XRCC4: variants seen among roughly 807,000 people sequenced by gnomAD.
The protein encoded by XRCC4 is X-ray repair cross complementing 4.
In XRCC4, 28 loss-of-function variants were observed where a neutral mutation model predicts 39.1. That is an observed-to-expected ratio of 0.72 (90% CI 0.53 to 0.98). The LOEUF (loss-of-function observed/expected upper bound fraction) is 0.98. Among genes scored for constraint, XRCC4 ranks in the 50% least tolerant of loss-of-function variants. XRCC4 has a pLI of 0.00. For synonymous variants in XRCC4, 123 were observed against 126.4 expected (o/e 0.97, Z 0.18); for missense variants, 350 against 376.4 (o/e 0.93, Z 0.58).
At chr5:83,113,169 G>A (rs1339760473) in intron 3 of XRCC4, among the ~76,000 whole-genome samples, 2 of 152,114 alleles carry the variant, frequency 1.3e-5, no homozygotes, top group African/African-American at 4.8e-5. Context: ...ATTTCAAATG[G>A]GAGAAATTGG....
chr5:83,148,854 A>T (rs1301878228), intron 3 of XRCC4, among the ~76,000 whole-genome samples: 1 of 151,904 alleles, frequency 6.6e-6, no homozygotes, highest in African/African-American at 2.4e-5. Context: ...AGATATAATA[A>T]TAACAATGAA....
chr5:83,266,618 A>G (rs1243847325), intron 7 of XRCC4, among the ~76,000 whole-genome samples: 1 of 152,050 alleles, frequency 6.6e-6, no homozygotes, highest in Non-Finnish European at 1.5e-5. Context: ...CAAAAGCACA[A>G]ACATGCTTTA....
At chr5:83,344,130 TCACACACACACA>T (rs61032306) in intron 7 of XRCC4, among the ~76,000 whole-genome samples, 7 of 148,204 alleles carry the variant, frequency 4.7e-5, no homozygotes, top group Admixed American at 6.7e-5. Context: ...GACACAGATC[TCACACACACACA>T]CACACACACA....
intron 3 of XRCC4, among the ~76,000 whole-genome samples, chr5:83,128,656 G>A (rs1416749401): frequency 6.6e-6 from 1 of 152,116 alleles, no homozygotes; most frequent in African/African-American, 2.4e-5. Flanking sequence ...ACTTTTTAAT[G>A]ATCGCCATTC....
chr5:83,262,507 A>G (rs1753788431), intron 7 of XRCC4, among the ~76,000 whole-genome samples: 1 of 152,102 alleles, frequency 6.6e-6, no homozygotes, highest in African/African-American at 2.4e-5. Context: ...TACAGAGAGA[A>G]ATGACTTCAG....
chr5:83,299,740 G>T (rs919006364), intron 7 of XRCC4, among the ~76,000 whole-genome samples: 5 of 152,016 alleles, frequency 3.3e-5, no homozygotes, highest in Non-Finnish European at 7.4e-5. Flanking sequence ...GATATTACGT[G>T]TTGTTTTCAA....
intron 3 of XRCC4, among the ~76,000 whole-genome samples, chr5:83,142,386 A>G (rs28360072): frequency 0.019 from 2,818 of 152,198 alleles, 72 homozygotes; most frequent in East Asian, 0.073. Context: ...GTGAGTGGCA[A>G]AGCTGGAATT....
At chr5:83,155,422 C>T (rs745550761) in intron 3 of XRCC4, among the ~76,000 whole-genome samples, 3 of 152,150 alleles carry the variant, frequency 2.0e-5, no homozygotes, top group Non-Finnish European at 4.4e-5. Context: ...ATAGTATTTA[C>T]TAGCGTAAAA....
At chr5:83,278,928 CA>C (rs890228641) in intron 7 of XRCC4, among the ~76,000 whole-genome samples, 3 of 146,710 alleles carry the variant, frequency 2.0e-5, no homozygotes, top group African/African-American at 7.6e-5. Context: ...GCGGAGGTTG[CA>C]GTGAGCCGAG....
intron 1 of XRCC4, among the ~76,000 whole-genome samples, chr5:83,093,460 C>T (rs966898549): frequency 4.0e-5 from 6 of 151,888 alleles, no homozygotes; most frequent in Admixed American, 1.3e-4. Context: ...TGAAATGAAC[C>T]GTAACAGACA....
chr5:83,106,033 A>G (rs981211817), intron 2 of XRCC4, among the ~76,000 whole-genome samples: 4 of 152,162 alleles, frequency 2.6e-5, no homozygotes, highest in African/African-American at 4.8e-5. Context: ...CAGAACAGGT[A>G]ATGTTGATGT....
At chr5:83,212,677 T>C (rs1226998697) in intron 6 of XRCC4, among the ~76,000 whole-genome samples, 2 of 151,834 alleles carry the variant, frequency 1.3e-5, no homozygotes, top group Non-Finnish European at 2.9e-5. Context: ...CCTGTAATCC[T>C]AGCGCTTTGG....
intron 7 of XRCC4, among the ~76,000 whole-genome samples, chr5:83,282,817 G>A (rs1318014102): frequency 6.6e-6 from 1 of 151,932 alleles, no homozygotes; most frequent in Admixed American, 6.6e-5. Context: ...ACTCCAGCCT[G>A]GGCGACAGAG....
chr5:83,264,448 A>C (rs1484369096), intron 7 of XRCC4, among the ~76,000 whole-genome samples: 1 of 152,164 alleles, frequency 6.6e-6, no homozygotes, highest in Non-Finnish European at 1.5e-5. Flanking sequence ...AATTATAAAA[A>C]TTAAAACAGT....
In XRCC4 at chr5:83,195,760, T is replaced by G; in HGVS notation, c.316-10T>G. ...TTCCCCAAATTAACCATGTTTTTCT[T>G]TCATTTTAGTTCAGACTTGGTTCCT... On this transcript the variant is annotated splice_polypyrimidine_tract_variant and intron_variant, in intron 3 of 7. Transcript: ENST00000396027. The G allele has an allele frequency of 1.3e-6, 2 of 1,539,462 alleles. No homozygotes were observed. The highest frequency in any genetic ancestry group is 1.8e-6 in the Non-Finnish European group (2 of 1,142,660).
At chr5:83,208,557 T>G (rs1387084659) in intron 6 of XRCC4, among the ~76,000 whole-genome samples, 1 of 152,058 alleles carries the variant, frequency 6.6e-6, no homozygotes, top group Non-Finnish European at 1.5e-5. Flanking sequence ...ATGGCTTTTT[T>G]TCCTCTAAAT....
At chr5:83,168,621 G>A (rs184987817) in intron 3 of XRCC4, among the ~76,000 whole-genome samples, 121 of 152,136 alleles carry the variant, frequency 8.0e-4, no homozygotes, top group Non-Finnish European at 1.1e-3. Context: ...GTATGTACTA[G>A]GCCATAAAGG....
intron 6 of XRCC4, among the ~76,000 whole-genome samples, chr5:83,250,872 G>T (rs184516935): frequency 6.6e-6 from 1 of 152,168 alleles, no homozygotes; most frequent in African/African-American, 2.4e-5. Flanking sequence ...AAGAAAAATC[G>T]AAGCTTCACA....
chr5:83,118,031 T>C (rs72767136), intron 3 of XRCC4, among the ~76,000 whole-genome samples: 5,898 of 119,212 alleles, frequency 0.049, 195 homozygotes, highest in South Asian at 0.19. Flanking sequence ...TATATGTGTA[T>C]GTATATACAT....
Sources: allele counts gnomAD v4.1 joint callset (sites outside exome capture counted in the v4.1 genomes callset), GRCh38; gene constraint gnomAD v4.1.1; transcripts MANE v1.5; gene names NCBI Gene and HGNC (gene_info 2026-07-23, HGNC 2026-07-21).